HSP90B1: variants seen among roughly 807,000 people sequenced by gnomAD.
The protein encoded by HSP90B1 is heat shock protein 90 beta family member 1, also known as endoplasmin.
In HSP90B1, 27 loss-of-function variants were observed where a neutral mutation model predicts 100.4. The ratio of observed to expected loss-of-function variants is 0.27; its 90% confidence interval spans 0.20 to 0.37. The LOEUF (loss-of-function observed/expected upper bound fraction) is 0.37, where lower values mean the gene tolerates loss of function less well. HSP90B1 is among the 10% of genes least tolerant of loss of function. The pLI is 1.00. For synonymous variants in HSP90B1, 304 were observed against 330.8 expected (o/e 0.92, Z 0.88); for missense variants, 678 against 960.5 (o/e 0.71, Z 3.89).
At chr12:103,938,209 T>C in intron 6 of HSP90B1, 131 bp from the exon 7 acceptor site, 1 of 696,002 alleles carries the variant, frequency 1.4e-6, no homozygotes, top group Non-Finnish European at 2.3e-6. Flanking sequence ...ATGTGGTCTA[T>C]TAGTTAAGGA....
chr12:103,942,504 A>C lies in HSP90B1; in HGVS notation c.1375-23A>C, dbSNP rs563172370. 5 of 1,607,886 alleles carry C rather than the reference A, an allele frequency of 3.1e-6. No individual in the cohort carries two copies. In the South Asian group the frequency reaches 5.5e-5, roughly 18 times the overall value. ...AAGTTGGAGATTAACTTCTCTAATCAGTTATTCTTTCATTGTGTTTAGGTG... is the reference window on the plus strand; with the variant it reads ...AAGTTGGAGATTAACTTCTCTAATCCGTTATTCTTTCATTGTGTTTAGGTG... On this transcript the variant is annotated intron_variant, in intron 11 of 17. Coordinates refer to ENST00000299767, the MANE Select transcript of HSP90B1 (RefSeq NM_003299.3).
At chr12:103,931,392 G>T (rs1869755671) in intron 1 of HSP90B1, 129 bp from the exon 2 acceptor site, 1 of 632,506 alleles carries the variant, frequency 1.6e-6, no homozygotes, top group South Asian at 1.9e-5. Context: ...ATTTAAACCA[G>T]GGAATGCACT....
intron 5 of HSP90B1, among the ~76,000 whole-genome samples, chr12:103,934,655 CAG>C (rs1214710788): frequency 1.3e-5 from 2 of 152,214 alleles, no homozygotes; most frequent in African/African-American, 4.8e-5. Context: ...ACTAGATGAA[CAG>C]AGTTCTTTTC....
In HSP90B1 at chr12:103,930,779, T is replaced by A. The variant is rs999020535; in HGVS notation, c.49+215T>A. Among the ~76,000 whole-genome samples, 2 of 152,118 alleles carry A rather than the reference T, an allele frequency of 1.3e-5. No homozygotes were observed. The highest frequency in any genetic ancestry group is 4.8e-5 in the African/African-American group (2 of 41,424). On this transcript the variant is annotated intron_variant, in intron 1 of 17. Transcript: ENST00000299767. This position sits in a 1 kb window ranked among gnomAD's most constrained non-coding sequence, Gnocchi z 4.4. ...CAACATCATCTAACTGCCCTACAGA[T>A]CTAATAGTATCTCGCCCGGAGGTCT...
rs938286006 is a variant in HSP90B1, at chr12:103,943,053, T to C, written c.1645-21T>C. On this transcript the variant is annotated intron_variant, in intron 12 of 17. Transcript: ENST00000299767. This position sits in a 1 kb window ranked among gnomAD's most constrained non-coding sequence, Gnocchi z 5.3. ...CACCAGGGCCAGACTTGGAAAACTTTGTGACTTCTTAATTTTGTAGGCTGA... is the reference window on the plus strand; with the variant it reads ...CACCAGGGCCAGACTTGGAAAACTTCGTGACTTCTTAATTTTGTAGGCTGA... 6.2e-7 allele frequency: 1 copy of C among 1,611,716 alleles called. No individual in the cohort carries two copies. Among genetic ancestry groups the C allele is most frequent in the African/African-American group, 1.3e-5 (1 of 74,800 alleles).
chr12:103,946,520 A>T, intron 14 of HSP90B1, 98 bp from the exon 15 acceptor site: 5 of 815,810 alleles, frequency 6.1e-6, no homozygotes, highest in African/African-American at 5.3e-5. Flanking sequence ...TTTTTTTTTT[A>T]CCAAGAGTTG....
intron 5 of HSP90B1, among the ~76,000 whole-genome samples, chr12:103,935,393 AG>A (rs1000920225): frequency 2.0e-5 from 3 of 152,168 alleles, no homozygotes; most frequent in Admixed American, 2.0e-4. Flanking sequence ...TCTATTTCAG[AG>A]GTCAGTTGGC....
intron 5 of HSP90B1, among the ~76,000 whole-genome samples, chr12:103,936,945 T>C (rs1193736418): frequency 6.6e-6 from 1 of 152,178 alleles, no homozygotes; most frequent in Non-Finnish European, 1.5e-5. Flanking sequence ...GAGGGAACCA[T>C]AGATAGACCA....
chr12:103,933,938 TTCTTG>T lies in HSP90B1; in HGVS notation c.412-12_412-8del. 5 of 1,589,424 alleles carry T rather than the reference TTCTTG, an allele frequency of 3.1e-6. No homozygotes were observed. Among genetic ancestry groups the T allele is most frequent in the Non-Finnish European group, 4.3e-6 (5 of 1,160,204 alleles). On this transcript the variant is annotated splice_polypyrimidine_tract_variant and intron_variant, in intron 4 of 17. Transcript: ENST00000299767. Reference sequence around the variant, plus strand: ...GTAAATATTAAATACAACTATCTGGTTCTTGTCTTGCATTTAGTGTGATAAGGAGA... The same window carrying T: ...GTAAATATTAAATACAACTATCTGGTTCTTGCATTTAGTGTGATAAGGAGA...
At chr12:103,935,384 C>A (rs1373006733) in intron 5 of HSP90B1, among the ~76,000 whole-genome samples, 3 of 152,170 alleles carry the variant, frequency 2.0e-5, no homozygotes, top group African/African-American at 7.2e-5. Flanking sequence ...TGAGGAAATT[C>A]TATTTCAGAG....
At position 103,947,397 on chromosome 12, in the gene HSP90B1, T is replaced by C; in HGVS notation, c.2349T>C (p.Asp783=). 1 of 1,611,814 alleles carries C rather than the reference T, an allele frequency of 6.2e-7. No individual in the cohort carries two copies. The highest frequency in any genetic ancestry group is 8.5e-7 in the Non-Finnish European group (1 of 1,178,578). ...AGCAAGACGAAGATGAAGAAATGGA[T>C]GTGGGAACAGATGAAGAAGAAGAAA... The part of the protein sequence containing the change: ...DTEQDEDEEM[D]VGTDEEEETA... The change falls in exon 17 of 18, where the codon GAT becomes GAC. Residue 783 remains aspartate (D), a synonymous_variant. Transcript: ENST00000299767.
At chr12:103,937,940 G>C in intron 6 of HSP90B1, 134 bp downstream of exon 6, 1 of 540,570 alleles carries the variant, frequency 1.8e-6, no homozygotes, top group Non-Finnish European at 3.3e-6. Flanking sequence ...GCCGAGACAG[G>C]TGGATCACCT....
intron 8 of HSP90B1, among the ~76,000 whole-genome samples, 173 bp downstream of exon 8, chr12:103,939,798 C>T (rs533988701): frequency 6.6e-6 from 1 of 152,180 alleles, no homozygotes; most frequent in East Asian, 1.9e-4. Context: ...ATGTCTACTT[C>T]TGGTTTATTG....
At chr12:103,937,007 T>C (rs929949019) in intron 5 of HSP90B1, among the ~76,000 whole-genome samples, 1 of 152,184 alleles carries the variant, frequency 6.6e-6, no homozygotes, top group African/African-American at 2.4e-5. Context: ...CTACCTACTG[T>C]GCTTAAGAGT....
intron 14 of HSP90B1, among the ~76,000 whole-genome samples, chr12:103,946,395 ATC>A (rs1376627092): frequency 2.0e-5 from 3 of 152,126 alleles, no homozygotes; most frequent in African/African-American, 7.2e-5. Context: ...GGTATTTTCT[ATC>A]TGAGTTTGGT....
intron 8 of HSP90B1, among the ~76,000 whole-genome samples, 154 bp downstream of exon 8, chr12:103,939,779 A>G (rs568328844): frequency 6.6e-6 from 1 of 152,372 alleles, no homozygotes; most frequent in East Asian, 1.9e-4. Context: ...CCTTTAGGCC[A>G]ACTATAATAT....
At position 103,942,594 on chromosome 12, in the gene HSP90B1, A is replaced by G. The variant is rs748255104; in HGVS notation, c.1442A>G (p.Asn481Ser). The G allele has an allele frequency of 7.4e-6, 12 of 1,613,856 alleles. No individual in the cohort carries two copies. The highest frequency in any genetic ancestry group is 1.7e-5 in the Admixed American group (1 of 60,000). ...AAGAAGATTGCTGATGATAAATACA[A>G]TGATACTTTTTGGAAAGAATTTGGT... Reference protein sequence around the residue: ...MIKKIADDKYNDTFWKEFGTN... With the variant: ...MIKKIADDKYSDTFWKEFGTN... Residue 481 changes from asparagine (N) to serine (S), a missense_variant, in exon 12 of 18, where the codon AAT becomes AGT. Physicochemically the swap from Asn to Ser is conservative, Grantham distance 46 (BLOSUM62 1). This residue lies in a region of HSP90B1 where 170 missense variants were observed against 236.7 expected (regional missense o/e 0.72). Transcript: ENST00000299767.
chr12:103,947,070 T>C, intron 16 of HSP90B1, 129 bp downstream of exon 16: 1 of 1,151,728 alleles, frequency 8.7e-7, no homozygotes, highest in Non-Finnish European at 1.2e-6. Flanking sequence ...TTGAAAGAAT[T>C]TTATTGAATG....
intron 5 of HSP90B1, among the ~76,000 whole-genome samples, chr12:103,937,494 T>C (rs1487982853): frequency 6.6e-6 from 1 of 152,246 alleles, no homozygotes; most frequent in Non-Finnish European, 1.5e-5. Context: ...TGAGGTAATG[T>C]AGAGGAGATT....
Sources: allele counts gnomAD v4.1 joint callset (sites outside exome capture counted in the v4.1 genomes callset), GRCh38; gene constraint gnomAD v4.1.1; regional missense constraint gnomAD v4.1.1; non-coding constraint Gnocchi (gnomAD v3.1); transcripts MANE v1.5; gene names NCBI Gene and HGNC (gene_info 2026-07-23, HGNC 2026-07-21).